The following CAMKMT variants were observed in gnomAD, a reference collection of about 807,000 sequenced individuals.
CAMKMT encodes CaM KMT.
Under a neutral mutation model 48.0 loss-of-function variants are expected in CAMKMT, and 53 were observed. The observed-to-expected ratio is 1.10, with a 90% CI of 0.89 to 1.39. CAMKMT has a LOEUF of 1.39. Ranked by LOEUF, CAMKMT falls within the 40% of genes most tolerant of loss-of-function variation. The probability of loss-of-function intolerance (pLI) is 0.00; values close to 1 mark genes in which losing one functional copy is unlikely to be tolerated. For synonymous variants in CAMKMT, 165 were observed against 152.3 expected, an observed-to-expected ratio of 1.08 and a Z score of -0.61; for missense variants, 428 against 402.7, an observed-to-expected ratio of 1.06 and a Z score of -0.54.
chr2:44,384,644 C>T (rs1680599231), intron 2 of CAMKMT, among the ~76,000 whole-genome samples: 1 of 151,718 alleles, frequency 6.6e-6, no homozygotes, highest in South Asian at 2.1e-4. Flanking sequence ...CTCAATCCAT[C>T]CTAAGTTGAT....
At chr2:44,534,247 G>C (rs1261364002) in intron 3 of CAMKMT, among the ~76,000 whole-genome samples, 2 of 152,080 alleles carry the variant, frequency 1.3e-5, no homozygotes, top group Non-Finnish European at 2.9e-5. Flanking sequence ...CCTAAATAAA[G>C]AGATAGACTT....
chr2:44,654,502 C>A (rs1021389002), intron 3 of CAMKMT, among the ~76,000 whole-genome samples: 5 of 152,062 alleles, frequency 3.3e-5, no homozygotes, highest in African/African-American at 1.2e-4. Context: ...TCATATGCTA[C>A]AAACCATTTT....
At chr2:44,563,260 A>C (rs1464555097) in intron 3 of CAMKMT, among the ~76,000 whole-genome samples, 2 of 151,698 alleles carry the variant, frequency 1.3e-5, no homozygotes, top group South Asian at 4.2e-4. Context: ...TTCTTAAAAA[A>C]AGGATTATAC....
At chr2:44,410,774 G>C (rs1175962575) in intron 3 of CAMKMT, among the ~76,000 whole-genome samples, 1 of 151,926 alleles carries the variant, frequency 6.6e-6, no homozygotes, top group Admixed American at 6.6e-5. Context: ...GATACTAATG[G>C]GATAGCAATA....
chr2:44,628,915 G>A (rs1037816080), intron 3 of CAMKMT, among the ~76,000 whole-genome samples: 1 of 152,076 alleles, frequency 6.6e-6, no homozygotes, highest in African/African-American at 2.4e-5. Flanking sequence ...AGTTATTGAA[G>A]AATTGTTATA....
At chr2:44,631,260 A>T (rs1335540372) in intron 3 of CAMKMT, among the ~76,000 whole-genome samples, 2 of 151,962 alleles carry the variant, frequency 1.3e-5, no homozygotes, top group Admixed American at 6.6e-5. Flanking sequence ...GGTGGGGGTA[A>T]GGGGGAGGGA....
rs1270028710 is a variant in CAMKMT at position 44,435,954 on chromosome 2, A to G, written c.376+45649A>G. On this transcript the variant is annotated intron_variant, in intron 3 of 10. Coordinates refer to ENST00000378494, the MANE Select transcript of CAMKMT (RefSeq NM_024766.5). ...TTCATTTTGCCTAGAAATCCTGTGA[A>G]GTTCGTTATGTTTATACCCATTTTA... 2.0e-5 allele frequency among the ~76,000 whole-genome samples: 3 copies of G among 152,294 alleles called. No homozygotes were observed. In the East Asian group the frequency reaches 5.8e-4, roughly 29 times the overall value.
intron 3 of CAMKMT, among the ~76,000 whole-genome samples, chr2:44,481,130 C>G (rs1273093254): frequency 6.6e-6 from 1 of 151,952 alleles, no homozygotes; most frequent in Admixed American, 6.6e-5. Flanking sequence ...TGAAAGGAAA[C>G]AGAATTATAT....
intron 3 of CAMKMT, among the ~76,000 whole-genome samples, chr2:44,396,438 A>C (rs1467929813): frequency 2.0e-5 from 3 of 152,180 alleles, no homozygotes; most frequent in Admixed American, 2.0e-4. Flanking sequence ...ATAGAGAAAA[A>C]CGTAGCCAAA....
chr2:44,542,282 A>C lies in CAMKMT; in HGVS notation c.376+151977A>C, dbSNP rs1479035038. On this transcript the variant is annotated intron_variant, in intron 3 of 10. Coordinates refer to ENST00000378494, the MANE Select transcript of CAMKMT (RefSeq NM_024766.5). ...CAAGTCATTTGGAGTTTATGCAGCA[A>C]GCATAGAGTTGTCATTGTACAAATA... Among the ~76,000 whole-genome samples the C allele has an allele frequency of 2.0e-5, 3 of 152,190 alleles. No homozygotes were observed. The East Asian group carries it at 5.8e-4, about 29-fold the overall frequency.
At chr2:44,759,385 G>T (rs529798352) in intron 9 of CAMKMT, among the ~76,000 whole-genome samples, 1 of 152,280 alleles carries the variant, frequency 6.6e-6, no homozygotes, top group South Asian at 2.1e-4. Flanking sequence ...CTCCCAAAGT[G>T]CTGGGATGAC....
At position 44,736,637 on chromosome 2, in the gene CAMKMT, A is replaced by T. The variant is rs534440803; in HGVS notation, c.624-6985A>T. Among the ~76,000 whole-genome samples the T allele has an allele frequency of 1.5e-4, 23 of 152,246 alleles. No homozygotes were observed. In the East Asian group the frequency reaches 4.0e-3, roughly 27 times the overall value. On this transcript the variant is annotated intron_variant, in intron 7 of 10. Coordinates refer to ENST00000378494, the MANE Select transcript of CAMKMT (RefSeq NM_024766.5). The stretch of plus-strand genomic sequence containing the variant: ...CCTTCTCCTATTTTTTGAGAAGTCC[A>T]GTTTCACATGTATTGACCACTTAAA...
rs558964870 is a variant in CAMKMT, at chr2:44,674,354, C to T, written c.377-29929C>T. Among the ~76,000 whole-genome samples, 4 of 152,332 alleles carry T rather than the reference C, an allele frequency of 2.6e-5. No individual in the cohort carries two copies. In the South Asian group the frequency reaches 8.3e-4, roughly 32 times the overall value. ...TAACAATCTGTTAACCCATCTGTCTCCTCCACTAGACTATCAGCATCTTGA... is the reference window on the plus strand; with the variant it reads ...TAACAATCTGTTAACCCATCTGTCTTCTCCACTAGACTATCAGCATCTTGA... On this transcript the variant is annotated intron_variant, in intron 3 of 10. Transcript: ENST00000378494.
chr2:44,673,471 GAGGAAGGAAGGAAGGAAGGA>G (rs201284067), intron 3 of CAMKMT, among the ~76,000 whole-genome samples: 9 of 116,844 alleles, frequency 7.7e-5, no homozygotes, highest in Admixed American at 1.8e-4. Context: ...GAAAGAGAGA[GAGGAAGGAAGGAAGGAAGGA>G]AGGAAGGAAG....
chr2:44,505,766 C>T (rs946459558), intron 3 of CAMKMT, among the ~76,000 whole-genome samples: 1 of 152,098 alleles, frequency 6.6e-6, no homozygotes, highest in African/African-American at 2.4e-5. Context: ...CCGTGTTGTC[C>T]AAGAGTCAAC....
At chr2:44,667,823 C>G (rs1056456114) in intron 3 of CAMKMT, among the ~76,000 whole-genome samples, 2 of 152,186 alleles carry the variant, frequency 1.3e-5, no homozygotes, top group Non-Finnish European at 2.9e-5. Context: ...ACCTCCACTC[C>G]AACACCGTTT....
chr2:44,377,588 G>A (rs1173199658), intron 2 of CAMKMT, among the ~76,000 whole-genome samples: 1 of 152,046 alleles, frequency 6.6e-6, no homozygotes, highest in Admixed American at 6.6e-5. Context: ...AACCATAGAA[G>A]TGCCTGAGTT....
chr2:44,565,508 TTGTG>T (rs1668562410), intron 3 of CAMKMT, among the ~76,000 whole-genome samples: 1 of 152,150 alleles, frequency 6.6e-6, no homozygotes, highest in Non-Finnish European at 1.5e-5. Flanking sequence ...TTGCCAGAGT[TTGTG>T]CTTACTTTAC....
intron 3 of CAMKMT, among the ~76,000 whole-genome samples, chr2:44,536,386 G>A (rs1444967925): frequency 2.0e-5 from 3 of 151,258 alleles, no homozygotes; most frequent in South Asian, 2.1e-4. Context: ...GTGCAGTGGT[G>A]TGATCTTGGC....
Sources: allele counts gnomAD v4.1 joint callset (sites outside exome capture counted in the v4.1 genomes callset), GRCh38; gene constraint gnomAD v4.1.1; transcripts MANE v1.5; gene names NCBI Gene and HGNC (gene_info 2026-07-23, HGNC 2026-07-21).